Variants in PAK3 observed in about 807,000 individuals in gnomAD.
The protein encoded by PAK3 is serine/threonine-protein kinase PAK 3.
Under a neutral mutation model 41.0 loss-of-function variants are expected in PAK3, and 4 were observed. That is an observed-to-expected ratio of 0.10 (90% confidence interval 0.05 to 0.22). The LOEUF is 0.22. Among genes scored for constraint, PAK3 ranks in the 10% least tolerant of loss-of-function variants. The pLI, the probability that PAK3 is intolerant of heterozygous loss-of-function variation, is 1.00. For missense variants in PAK3, 205 were observed against 409.9 expected, an observed-to-expected ratio of 0.50 and a Z score of 4.32; for synonymous variants, 146 against 139.6, an observed-to-expected ratio of 1.05 and a Z score of -0.32.
chrX:111,206,434 T>A (rs749169719), intron 16 of PAK3, among the ~76,000 whole-genome samples: 2 of 111,961 alleles, frequency 1.8e-5, no homozygotes, highest in African/African-American at 6.5e-5. Context: ...TGAGCACACA[T>A]ATTGTTGGAG....
intron 1 of PAK3, among the ~76,000 whole-genome samples, chrX:111,040,286 T>G (rs2092441240): frequency 9.0e-6 from 1 of 111,678 alleles, no homozygotes; most frequent in Non-Finnish European, 1.9e-5. Flanking sequence ...ATTGGGTTGT[T>G]GTGACAATTA....
intron 1 of PAK3, among the ~76,000 whole-genome samples, chrX:110,989,839 A>T (rs1424789711): frequency 2.7e-5 from 3 of 111,208 alleles, no homozygotes; most frequent in Middle Eastern, 4.6e-3. Context: ...TGTGTAGAGG[A>T]CAGCTTTCAG....
upstream of PAK3, among the ~76,000 whole-genome samples, chrX:111,092,603 TGATA>T (rs1297278479): frequency 9.0e-6 from 1 of 111,523 alleles, no homozygotes; most frequent in African/African-American, 3.3e-5. Context: ...CTTTGGGAGG[TGATA>T]GATATGTCCA....
At chrX:111,192,060 T>C in intron 11 of PAK3, 67 bp from the exon 12 acceptor site, 1 of 671,295 alleles carries the variant, frequency 1.5e-6, no homozygotes, top group East Asian at 3.3e-5. Context: ...AATTACATTT[T>C]ATTTCAAGTA....
intron 1 of PAK3, among the ~76,000 whole-genome samples, 174 bp from the exon 2 acceptor site, chrX:111,097,216 C>T (rs994335100): frequency 9.7e-6 from 1 of 103,062 alleles, no homozygotes; most frequent in African/African-American, 3.6e-5. Context: ...AGATTACTGC[C>T]GCACTTTTGG....
At position 111,150,858 on chromosome X, in the gene PAK3, A is replaced by G. The variant is rs754376720; in HGVS notation, c.431-1552A>G. ...AATTTATTAACTTATTAACATCTAA[A>G]GAATGAAGGGAGTATTATCATTAGT... On this transcript the variant is annotated intron_variant, in intron 7 of 17. Transcript: ENST00000372007. 8.9e-5 allele frequency among the ~76,000 whole-genome samples: 10 copies of G among 112,175 alleles called. 1 individual carries two copies. In the South Asian group the frequency reaches 3.8e-3, roughly 42 times the overall value.
intron 1 of PAK3, among the ~76,000 whole-genome samples, chrX:111,085,600 G>C (rs1028946210): frequency 8.9e-6 from 1 of 111,981 alleles, no homozygotes; most frequent in African/African-American, 3.3e-5. Context: ...CCTGGAGGTC[G>C]TGGGTATCAG....
intron 1 of PAK3, among the ~76,000 whole-genome samples, chrX:111,078,809 G>T (rs1276212524): frequency 1.8e-5 from 2 of 111,912 alleles, no homozygotes; most frequent in Admixed American, 9.5e-5. Flanking sequence ...CAAAGTAAAA[G>T]TTCCTGAGGG....
intron 16 of PAK3, among the ~76,000 whole-genome samples, chrX:111,204,935 C>A (rs1603388061): frequency 6.2e-5 from 2 of 32,266 alleles, no homozygotes; most frequent in African/African-American, 1.4e-4. Context: ...CAAAGTTCAT[C>A]AGCACATTTT....
chrX:111,005,099 G>T (rs2091902602), intron 1 of PAK3, among the ~76,000 whole-genome samples: 1 of 112,113 alleles, frequency 8.9e-6, no homozygotes, highest in East Asian at 2.8e-4. Context: ...GAAGCCAAAT[G>T]ATACCTTTTC....
chrX:111,172,242 A>T lies in PAK3; in HGVS notation c.767-776A>T, dbSNP rs142552514. On this transcript the variant is annotated intron_variant, in intron 10 of 17. Coordinates refer to ENST00000372007, the MANE Select transcript of PAK3 (RefSeq NM_002578.5). ...CATTGATATAACGTTTGGTATTGAC[A>T]ACCTTTTTAATTTTAGCCATTCTGA... 5.7e-3 allele frequency among the ~76,000 whole-genome samples: 639 copies of T among 112,040 alleles called. 6 individuals carry two copies. The highest frequency in any genetic ancestry group is 0.019 in the African/African-American group (594 of 30,842).
intron 1 of PAK3, among the ~76,000 whole-genome samples, chrX:110,993,785 G>A (rs1273886879): frequency 2.7e-5 from 3 of 111,219 alleles, no homozygotes; most frequent in African/African-American, 9.8e-5. Flanking sequence ...AGGTGATATT[G>A]GCTTGTTGTA....
At chrX:111,217,565 C>T in intron 17 of PAK3, 3 of 964,607 alleles carry the variant, frequency 3.1e-6, no homozygotes, top group South Asian at 2.0e-5. Flanking sequence ...CAGAGCTGCA[C>T]CCAGGCAAAA....
At chrX:111,019,380 A>C (rs1445996257) in intron 1 of PAK3, among the ~76,000 whole-genome samples, 1 of 110,081 alleles carries the variant, frequency 9.1e-6, no homozygotes, top group African/African-American at 3.3e-5. Context: ...ACTCAACAAC[A>C]ACCACAAAAT....
chrX:110,946,991 A>G (rs2090632655), intron 1 of PAK3, among the ~76,000 whole-genome samples: 2 of 112,036 alleles, frequency 1.8e-5, no homozygotes, highest in Admixed American at 9.5e-5. Flanking sequence ...TTAAGCCAGA[A>G]CAGGGGCACA....
At chrX:110,969,882 T>C (rs2091169686) in intron 1 of PAK3, among the ~76,000 whole-genome samples, 1 of 112,434 alleles carries the variant, frequency 8.9e-6, no homozygotes, top group Non-Finnish European at 1.9e-5. Flanking sequence ...CTGGGATTTC[T>C]ATAGGAATAG....
At chrX:110,948,782 A>G (rs1017632303) in intron 1 of PAK3, among the ~76,000 whole-genome samples, 3 of 111,857 alleles carry the variant, frequency 2.7e-5, no homozygotes. Context: ...GCATGAAAGC[A>G]GCAAGCTTCA....
intron 5 of PAK3, among the ~76,000 whole-genome samples, chrX:111,139,727 T>C (rs942064926): frequency 9.0e-6 from 1 of 111,214 alleles, no homozygotes; most frequent in African/African-American, 3.3e-5. Context: ...CCAAGTGGAG[T>C]GTTGAGTCAA....
At chrX:111,017,784 A>C (rs1175357331) in intron 1 of PAK3, among the ~76,000 whole-genome samples, 2 of 111,970 alleles carry the variant, frequency 1.8e-5, no homozygotes, top group Non-Finnish European at 3.8e-5. Context: ...AGACACTGCA[A>C]GAGAACTACA....
Sources: gnomAD v4.1 joint callset for allele counts (sites outside exome capture counted in the v4.1 genomes callset) on GRCh38, gnomAD v4.1.1 for gene constraint, MANE v1.5 for transcripts, NCBI Gene and HGNC (gene_info 2026-07-23, HGNC 2026-07-21) for gene names.